The following SGCZ variants were observed in gnomAD, a reference collection of about 807,000 sequenced individuals.
SGCZ encodes the protein zeta-sarcoglycan.
A neutral mutation model predicts 41.3 loss-of-function variants in SGCZ; 40 were observed. The ratio of observed to expected loss-of-function variants is 0.97; its 90% confidence interval spans 0.75 to 1.26. The LOEUF is 1.26. SGCZ is among the 50% of genes most tolerant of loss of function. The probability of loss-of-function intolerance (pLI) is 0.00; values close to 1 mark genes in which losing one functional copy is unlikely to be tolerated. For synonymous variants in SGCZ, 206 were observed against 137.5 expected, an observed-to-expected ratio of 1.50 and a Z score of -3.49; for missense variants, 552 against 369.8, an observed-to-expected ratio of 1.49 and a Z score of -4.04.
chr8:14,410,831 T>C (rs1282403095), intron 2 of SGCZ, among the ~76,000 whole-genome samples: 1 of 152,124 alleles, frequency 6.6e-6, no homozygotes, highest in Non-Finnish European at 1.5e-5. Flanking sequence ...GTAATTAAGC[T>C]TTCATTTCAA....
At chr8:15,186,188 G>A (rs1354556826) in intron 1 of SGCZ, among the ~76,000 whole-genome samples, 1 of 147,982 alleles carries the variant, frequency 6.8e-6, no homozygotes, top group Non-Finnish European at 1.5e-5. Context: ...CATGAACCCG[G>A]GAGGCGGAGC....
At chr8:14,951,139 T>C (rs563412441) in intron 1 of SGCZ, among the ~76,000 whole-genome samples, 4 of 152,046 alleles carry the variant, frequency 2.6e-5, no homozygotes, top group African/African-American at 9.6e-5. Context: ...ATCTTATGTT[T>C]AGTCCCATTT....
At chr8:15,230,188 A>G (rs1457167971) in intron 1 of SGCZ, among the ~76,000 whole-genome samples, 10 of 80,186 alleles carry the variant, frequency 1.2e-4, no homozygotes, top group Non-Finnish European at 3.1e-4. Context: ...TACTAGTTAA[A>G]AAAAAAAAAA....
chr8:14,810,551 GTTAT>G (rs1801708226), intron 1 of SGCZ, among the ~76,000 whole-genome samples: 1 of 151,922 alleles, frequency 6.6e-6, no homozygotes. Context: ...TTTTGAAAGT[GTTAT>G]TTATTATCAA....
chr8:14,839,745 A>G (rs1257080925), intron 1 of SGCZ, among the ~76,000 whole-genome samples: 2 of 152,160 alleles, frequency 1.3e-5, no homozygotes, highest in East Asian at 3.9e-4. Context: ...AAGTTCTCTC[A>G]ATTAGTTACG....
chr8:14,711,471 G>T (rs968459441), intron 1 of SGCZ, among the ~76,000 whole-genome samples: 1 of 149,882 alleles, frequency 6.7e-6, no homozygotes, highest in African/African-American at 2.5e-5. Flanking sequence ...GCATGATGGC[G>T]CATGCCTGTA....
chr8:15,046,808 G>T lies in SGCZ; in HGVS notation c.39+190777C>A, dbSNP rs78732459. On this transcript the variant is annotated intron_variant, in intron 1 of 7. Coordinates refer to ENST00000382080, the MANE Select transcript of SGCZ (RefSeq NM_139167.4). ...CTAATACTGCCAAAACCAATCTGACGTTATACCAAACATGCTAGCCTTTCC... is the reference window on the plus strand; with the variant it reads ...CTAATACTGCCAAAACCAATCTGACTTTATACCAAACATGCTAGCCTTTCC... 7.6e-4 allele frequency among the ~76,000 whole-genome samples: 116 copies of T among 152,048 alleles called. 1 individual carries two copies. In the East Asian group the frequency reaches 0.019, roughly 25 times the overall value.
intron 3 of SGCZ, among the ~76,000 whole-genome samples, chr8:14,259,663 G>C (rs1036725404): frequency 7.3e-6 from 1 of 137,518 alleles, no homozygotes; most frequent in South Asian, 2.3e-4. Context: ...CTGTTCCATT[G>C]ATCTATATTT....
intron 1 of SGCZ, among the ~76,000 whole-genome samples, chr8:15,237,270 A>T (rs886590160): frequency 4.0e-5 from 6 of 151,666 alleles, no homozygotes; most frequent in Admixed American, 3.9e-4. Flanking sequence ...CGGGGAGACG[A>T]GCCGGCAAGA....
intron 3 of SGCZ, among the ~76,000 whole-genome samples, chr8:14,289,169 T>C (rs1419307499): frequency 6.6e-6 from 1 of 151,976 alleles, no homozygotes; most frequent in Admixed American, 6.6e-5. Context: ...TTTTGGATGT[T>C]AGAGTTTTAT....
chr8:14,410,024 A>G (rs757483705), intron 2 of SGCZ, among the ~76,000 whole-genome samples: 12 of 152,098 alleles, frequency 7.9e-5, no homozygotes, highest in African/African-American at 2.2e-4. Flanking sequence ...ACCTAGCCAC[A>G]TAGCAGGAAG....
At chr8:14,495,065 T>C (rs774455616) in intron 2 of SGCZ, among the ~76,000 whole-genome samples, 15 of 152,246 alleles carry the variant, frequency 9.9e-5, no homozygotes, top group Non-Finnish European at 2.1e-4. Context: ...TGATTCTTCA[T>C]GGGCATAAAT....
At chr8:14,644,321 C>T (rs1273991649) in intron 1 of SGCZ, among the ~76,000 whole-genome samples, 1 of 151,594 alleles carries the variant, frequency 6.6e-6, no homozygotes, top group Non-Finnish European at 1.5e-5. Flanking sequence ...CTGAGGTTTC[C>T]CAGGAAAGAA....
At chr8:14,255,107 C>G (rs904104720) in intron 3 of SGCZ, among the ~76,000 whole-genome samples, 1 of 152,070 alleles carries the variant, frequency 6.6e-6, no homozygotes, top group Admixed American at 6.5e-5. Flanking sequence ...TCTCCCTCCC[C>G]CTTAACCTTT....
intron 5 of SGCZ, among the ~76,000 whole-genome samples, chr8:14,157,112 T>C (rs955832603): frequency 4.6e-5 from 7 of 152,022 alleles, no homozygotes; most frequent in African/African-American, 1.7e-4. Flanking sequence ...ATTGGCATCA[T>C]GACAAACATA....
At chr8:14,860,820 G>T (rs377718380) in intron 1 of SGCZ, among the ~76,000 whole-genome samples, 7 of 152,146 alleles carry the variant, frequency 4.6e-5, no homozygotes, top group African/African-American at 1.7e-4. Context: ...CAACATAGTT[G>T]CAGAAGACCC....
intron 1 of SGCZ, among the ~76,000 whole-genome samples, chr8:15,016,060 A>G (rs1169889641): frequency 6.6e-6 from 1 of 152,090 alleles, no homozygotes; most frequent in Non-Finnish European, 1.5e-5. Flanking sequence ...ACTCCCCTCC[A>G]TTATATCCTG....
intron 1 of SGCZ, among the ~76,000 whole-genome samples, chr8:14,792,018 G>A (rs760535002): frequency 4.6e-5 from 7 of 152,006 alleles, no homozygotes; most frequent in African/African-American, 7.2e-5. Flanking sequence ...TCATAAGGCC[G>A]TCTAGCATGT....
chr8:14,163,515 T>C (rs544385065), intron 5 of SGCZ, among the ~76,000 whole-genome samples: 28 of 152,326 alleles, frequency 1.8e-4, no homozygotes, highest in African/African-American at 6.3e-4. Context: ...AATATTATCA[T>C]CATTAATAAA....
Sources: allele counts gnomAD v4.1 joint callset (sites outside exome capture counted in the v4.1 genomes callset), GRCh38; gene constraint gnomAD v4.1.1; transcripts MANE v1.5; gene names NCBI Gene and HGNC (gene_info 2026-07-23, HGNC 2026-07-21).